Variants in AGBL2 observed in about 807,000 individuals in gnomAD.
AGBL2 encodes the protein cytosolic carboxypeptidase 2.
AGBL2 carries 87 observed loss-of-function variants against 103.0 expected under a neutral mutation model. The observed-to-expected ratio is 0.84, with a 90% CI of 0.71 to 1.01. AGBL2 has a LOEUF of 1.01. AGBL2 is among the 50% of genes least tolerant of loss of function. The pLI, the probability that AGBL2 is intolerant of heterozygous loss-of-function variation, is 0.00. For missense variants in AGBL2, 904 were observed against 1,023.5 expected (o/e 0.88, Z 1.59); for synonymous variants, 335 against 356.7 (o/e 0.94, Z 0.69).
rs1393148662 is a variant in AGBL2 at position 47,660,291 on chromosome 11, C to T, written c.2591G>A (p.Ser864Asn). The change falls in exon 19 of 19, where the codon AGC (serine) becomes AAC (asparagine). Residue 864 changes from serine to asparagine, a missense_variant. Ser to Asn is a conservative substitution (Grantham distance 46, BLOSUM62 1). Transcript: ENST00000525123. Reference sequence around the variant, plus strand: ...CTTCATACCTGGAGCTGGCTCTTGGCTGGAGTTTATGGTTCTCTTTGGAGA... The same window carrying T: ...CTTCATACCTGGAGCTGGCTCTTGGTTGGAGTTTATGGTTCTCTTTGGAGA... ...SCSPKRTINS[S>N]QEPAPGMKPN... The T allele has an allele frequency of 3.7e-6, 6 of 1,614,196 alleles. No homozygotes were observed. Among genetic ancestry groups the T allele is most frequent in the Non-Finnish European group, 5.1e-6 (6 of 1,180,040 alleles).
At chr11:47,662,774 A>T (rs1390590539) in intron 18 of AGBL2, among the ~76,000 whole-genome samples, 1 of 152,174 alleles carries the variant, frequency 6.6e-6, no homozygotes, top group East Asian at 1.9e-4. Context: ...GATTACAGGC[A>T]TGAGCCACTG....
chr11:47,677,960 C>G (rs1344510285), intron 13 of AGBL2, among the ~76,000 whole-genome samples: 1 of 151,798 alleles, frequency 6.6e-6, no homozygotes, highest in African/African-American at 2.4e-5. Context: ...CTAGAGCCAA[C>G]TTCTTCTTTT....
chr11:47,667,478 T>G, intron 16 of AGBL2, 93 bp downstream of exon 16: 1 of 1,446,950 alleles, frequency 6.9e-7, no homozygotes, highest in Non-Finnish European at 9.4e-7. Flanking sequence ...CCATCCCCTT[T>G]TTGGTTTAGA....
At chr11:47,668,761 G>T in intron 15 of AGBL2, 80 bp downstream of exon 15, 1 of 1,147,338 alleles carries the variant, frequency 8.7e-7, no homozygotes, top group Non-Finnish European at 1.3e-6. Context: ...AGGACTGTTG[G>T]AAAATTCCAA....
intron 3 of AGBL2, among the ~76,000 whole-genome samples, chr11:47,711,755 G>T (rs1192764642): frequency 6.6e-6 from 1 of 152,028 alleles, no homozygotes; most frequent in Non-Finnish European, 1.5e-5. Flanking sequence ...GGCTGGTCTC[G>T]AACTCCTGAC....
At chr11:47,691,374 A>C (rs2097444650) in intron 9 of AGBL2, among the ~76,000 whole-genome samples, 1 of 151,840 alleles carries the variant, frequency 6.6e-6, no homozygotes, top group African/African-American at 2.4e-5. Context: ...CAATTTGCAA[A>C]ACAATATGTA....
Position 47,686,031 on chromosome 11 carries a change from C to T in AGBL2, c.1650G>A (p.Glu550=), listed in dbSNP as rs747436239. The T allele has an allele frequency of 4.0e-5, 64 of 1,613,738 alleles. No individual in the cohort carries two copies. Among genetic ancestry groups the T allele is most frequent in the Non-Finnish European group, 5.3e-5 (62 of 1,179,974 alleles). ...CATGGAAATCACAATACAACAGAAC[C>T]TCTCTTTCTTCAAGAAGTCTATTGA... is the stretch of plus-strand genomic sequence containing the variant. ...NMIKRLLEER[E]VLLYCDFHGH... Residue 550 remains glutamate (E), a synonymous_variant, in exon 11 of 19, where the codon GAG becomes GAA. Transcript: ENST00000525123.
Position 47,692,150 on chromosome 11 carries a change from C to T in AGBL2, c.801G>A (p.Leu267=). The T allele has an allele frequency of 6.2e-7, 1 of 1,613,416 alleles. No homozygotes were observed. Among genetic ancestry groups the T allele is most frequent in the Non-Finnish European group, 8.5e-7 (1 of 1,179,622 alleles). ...TCCCACTCTCAAACCTTGATTCAAACAGTAGAGTATTATCTTCTGGTCCTT... is the reference window on the plus strand; with the variant it reads ...TCCCACTCTCAAACCTTGATTCAAATAGTAGAGTATTATCTTCTGGTCCTT... ...TLQGPEDNTL[L]FESRFESGNL... Residue 267 remains leucine (L), a synonymous_variant, in exon 9 of 19, where the codon CTG becomes CTA. Coordinates refer to ENST00000525123, the MANE Select transcript of AGBL2 (RefSeq NM_024783.4).
intron 8 of AGBL2, among the ~76,000 whole-genome samples, chr11:47,692,516 A>T (rs1262300843): frequency 2.2e-5 from 3 of 136,018 alleles, no homozygotes; most frequent in African/African-American, 8.4e-5. Context: ...GGTTCATGCC[A>T]TTGTCCTGCC....
At position 47,662,964 on chromosome 11, in the gene AGBL2, T is replaced by A; in HGVS notation, c.2535+62A>T. The A allele has an allele frequency of 2.3e-6, 3 of 1,321,570 alleles. No homozygotes were observed. The South Asian group carries it at 3.8e-5, about 17-fold the overall frequency. The allele number at this position is 1,321,570 out of a possible 1,614,324, so 81.9% of individuals were successfully genotyped here. On this transcript the variant is annotated intron_variant, in intron 18 of 18. Transcript: ENST00000525123. ...CCGCCCTCCAAATCACATAATACAT[T>A]TGAGAACTAATTAAAATTAATCACT...
At chr11:47,692,353 G>T in intron 8 of AGBL2, 97 bp from the exon 9 acceptor site, 3 of 623,694 alleles carry the variant, frequency 4.8e-6, no homozygotes, top group Non-Finnish European at 4.9e-6. Context: ...CACTATTCTA[G>T]ACCAACAATG....
chr11:47,711,735 A>G (rs2097536936), intron 3 of AGBL2, among the ~76,000 whole-genome samples: 1 of 152,076 alleles, frequency 6.6e-6, no homozygotes, highest in Non-Finnish European at 1.5e-5. Flanking sequence ...GGGTTTTGCC[A>G]TGTTGGCCAG....
At chr11:47,686,257 T>C (rs954881743) in intron 10 of AGBL2, among the ~76,000 whole-genome samples, 1 of 152,066 alleles carries the variant, frequency 6.6e-6, no homozygotes, top group African/African-American at 2.4e-5. Context: ...CAGAAGGACT[T>C]GAAATGGAAA....
chr11:47,692,404 C>CTTTT (rs11286504), intron 8 of AGBL2, 148 bp from the exon 9 acceptor site: 2,859 of 99,322 alleles, frequency 0.029, 73 homozygotes, highest in African/African-American at 0.056. Flanking sequence ...GACTTTTAAT[C>CTTTT]TTTTTTTTTT....
At chr11:47,683,555 G>A (rs749502787) in intron 11 of AGBL2, among the ~76,000 whole-genome samples, 7 of 151,452 alleles carry the variant, frequency 4.6e-5, no homozygotes, top group South Asian at 2.1e-4. Flanking sequence ...TGGATCATGA[G>A]GTCAGGAGAT....
At chr11:47,706,659 G>A (rs1340542944) in intron 4 of AGBL2, among the ~76,000 whole-genome samples, 2 of 152,098 alleles carry the variant, frequency 1.3e-5, no homozygotes, top group Non-Finnish European at 2.9e-5. Flanking sequence ...TTGGGTTGTG[G>A]TCACTTGAGC....
chr11:47,681,848 C>T, intron 12 of AGBL2, 121 bp downstream of exon 12: 1 of 1,250,830 alleles, frequency 8.0e-7, no homozygotes. Flanking sequence ...TAGCATAAGT[C>T]TAGACAAAGA....
Position 47,659,774 on chromosome 11 carries a change from CT to C in AGBL2, c.*398del, listed in dbSNP as rs971659813. The C allele has an allele frequency of 6.4e-6, 1 of 156,568 alleles. No individual in the cohort carries two copies. Among genetic ancestry groups the C allele is most frequent in the East Asian group, 1.9e-4 (1 of 5,312 alleles). The allele number at this position is 156,568 out of a possible 1,614,324, so 9.7% of individuals were successfully genotyped here. A position where few individuals can be genotyped will look rare whatever the true frequency, so the allele number is the denominator to read the frequency against. On this transcript the variant is annotated 3_prime_UTR_variant, in exon 19 of 19. Transcript: ENST00000525123. ...GTCACTAGAAAGCTTTGACACAACA[CT>C]TTTTTTTATTATAGCACACTGCCAA...
chr11:47,706,636 T>C (rs769001763), intron 4 of AGBL2, among the ~76,000 whole-genome samples: 10 of 152,106 alleles, frequency 6.6e-5, no homozygotes, highest in Non-Finnish European at 1.5e-4. Flanking sequence ...GTCCAGAGGC[T>C]GCAGGGTAGG....
Sources: gnomAD v4.1 joint callset for allele counts (sites outside exome capture counted in the v4.1 genomes callset) on GRCh38, gnomAD v4.1.1 for gene constraint, MANE v1.5 for transcripts, NCBI Gene and HGNC (gene_info 2026-07-23, HGNC 2026-07-21) for gene names.